The following P3H2 variants were observed in gnomAD, a reference collection of about 807,000 sequenced individuals.
P3H2 encodes the protein prolyl 3-hydroxylase 2.
Under a neutral mutation model 87.0 loss-of-function variants are expected in P3H2, and 80 were observed. The observed-to-expected ratio is 0.92, with a 90% confidence interval of 0.77 to 1.11. The LOEUF is 1.11. P3H2 is among the 50% of genes least tolerant of loss of function. The pLI is 0.00. For synonymous variants in P3H2, 367 were observed against 359.3 expected (o/e 1.02, Z -0.24); for missense variants, 1,001 against 923.9 (o/e 1.08, Z -1.08).
At chr3:189,993,217 G>A (rs893764545) in intron 3 of P3H2, among the ~76,000 whole-genome samples, 9 of 151,872 alleles carry the variant, frequency 5.9e-5, no homozygotes, top group African/African-American at 2.2e-4. Context: ...AGCTACTCGG[G>A]AGGCTGAGAA....
chr3:190,089,230 A>G (rs559092927), intron 1 of P3H2, among the ~76,000 whole-genome samples: 21 of 147,188 alleles, frequency 1.4e-4, no homozygotes, highest in East Asian at 1.9e-4. Flanking sequence ...GGGGCGGGGG[A>G]AGCGGGGAGG....
chr3:189,963,749 A>G (rs139247480), intron 14 of P3H2: 1 of 602,648 alleles, frequency 1.7e-6, no homozygotes, highest in African/African-American at 1.8e-5. Flanking sequence ...CAGCCTTACA[A>G]TTTGTTAATA....
chr3:190,060,535 A>C (rs889010988), intron 1 of P3H2, among the ~76,000 whole-genome samples: 2 of 152,130 alleles, frequency 1.3e-5, no homozygotes, highest in Admixed American at 1.3e-4. Context: ...TTCTAATTCC[A>C]ATTTTATATT....
At chr3:190,062,105 T>C (rs1442618940) in intron 1 of P3H2, among the ~76,000 whole-genome samples, 2 of 152,136 alleles carry the variant, frequency 1.3e-5, no homozygotes, top group Admixed American at 1.3e-4. Flanking sequence ...AACTCTTTCC[T>C]CTAAAATTCT....
intron 1 of P3H2, among the ~76,000 whole-genome samples, chr3:190,091,865 T>G (rs1397040358): frequency 6.6e-6 from 1 of 152,198 alleles, no homozygotes; most frequent in Non-Finnish European, 1.5e-5. Flanking sequence ...TAACCTGATG[T>G]ATTAGAATAG....
At chr3:190,075,526 A>C (rs1473786788) in intron 1 of P3H2, among the ~76,000 whole-genome samples, 1 of 152,028 alleles carries the variant, frequency 6.6e-6, no homozygotes, top group Admixed American at 6.6e-5. Context: ...AAAAGCAAAA[A>C]GAAAAAGTGC....
chr3:189,971,194 G>A (rs1029020957), intron 12 of P3H2, among the ~76,000 whole-genome samples: 5 of 152,082 alleles, frequency 3.3e-5, no homozygotes, highest in African/African-American at 7.2e-5. Flanking sequence ...CCCTTTGAAC[G>A]TGCCCACCCT....
intron 1 of P3H2, among the ~76,000 whole-genome samples, chr3:190,064,011 T>C (rs1726416020): frequency 1.6e-5 from 2 of 128,448 alleles, no homozygotes; most frequent in African/African-American, 6.8e-5. Flanking sequence ...TTTTTTTTTT[T>C]GAGACAGGGT....
intron 1 of P3H2, among the ~76,000 whole-genome samples, chr3:190,084,983 T>C (rs975195884): frequency 6.6e-6 from 1 of 151,938 alleles, no homozygotes; most frequent in Admixed American, 6.6e-5. Flanking sequence ...AAACTAACTA[T>C]AAAGCTTTCA....
At chr3:190,041,015 C>T (rs1725589864) in intron 1 of P3H2, among the ~76,000 whole-genome samples, 1 of 85,980 alleles carries the variant, frequency 1.2e-5, no homozygotes, top group Non-Finnish European at 2.6e-5. Context: ...AAAACCATGG[C>T]TCTACTATAT....
chr3:190,099,072 T>A (rs1711524278), intron 1 of P3H2, among the ~76,000 whole-genome samples: 1 of 152,142 alleles, frequency 6.6e-6, no homozygotes, highest in African/African-American at 2.4e-5. Flanking sequence ...TACTGAAGCT[T>A]AATAGTAGAT....
At chr3:190,021,488 ATT>A (rs1724925966) in intron 1 of P3H2, among the ~76,000 whole-genome samples, 1 of 134,886 alleles carries the variant, frequency 7.4e-6, no homozygotes, top group African/African-American at 2.6e-5. Flanking sequence ...AGCCAAATAT[ATT>A]TTTTCTTTTA....
intron 1 of P3H2, among the ~76,000 whole-genome samples, chr3:190,045,883 A>C (rs1229842985): frequency 6.6e-6 from 1 of 152,120 alleles, no homozygotes; most frequent in Non-Finnish European, 1.5e-5. Flanking sequence ...GCACTTTAGG[A>C]GGCCAAGGTG....
intron 1 of P3H2, among the ~76,000 whole-genome samples, chr3:190,082,336 T>TTGCCTTCTACTTGTGTG (rs1387974432): frequency 3.6e-4 from 55 of 152,290 alleles, no homozygotes; most frequent in African/African-American, 1.3e-3. Context: ...AGTCCTGAGT[T>TTGCCTTCTACTTGTGTG]TGCCTTCTAC....
intron 1 of P3H2, among the ~76,000 whole-genome samples, chr3:190,109,858 T>C (rs1712001879): frequency 6.6e-6 from 1 of 150,946 alleles, no homozygotes; most frequent in South Asian, 2.1e-4. Context: ...TTTTTTTTTT[T>C]TTTTTTTTGA....
chr3:190,004,512 A>T (rs1174958349), intron 1 of P3H2, among the ~76,000 whole-genome samples: 1 of 151,936 alleles, frequency 6.6e-6, no homozygotes. Flanking sequence ...CCTCCCGAGT[A>T]GCTGGGACTA....
Position 189,971,999 on chromosome 3 carries a change from C to A in P3H2, c.1708G>T (p.Asp570Tyr). ...VCRTALSGQQ[D>Y]RRNDLSHPIH... ...GGATGACTGAGGTCATTTCTTCTAT[C>A]CTGCTGACCTGCCAGAAAAGGGAAT... is the stretch of plus-strand genomic sequence containing the variant. Residue 570 changes from aspartate to tyrosine, a missense_variant, in exon 12 of 15, where the codon GAT becomes TAT. Physicochemically the swap from Asp to Tyr is radical, Grantham distance 160. Coordinates refer to ENST00000319332, the MANE Select transcript of P3H2 (RefSeq NM_018192.4). 6.2e-7 allele frequency: 1 copy of A among 1,601,590 alleles called. No homozygotes were observed. Among genetic ancestry groups the A allele is most frequent in the Non-Finnish European group, 8.6e-7 (1 of 1,168,638 alleles).
chr3:190,120,171 A>G (rs1409095281), intron 1 of P3H2, 81 bp downstream of exon 1: 1 of 1,502,752 alleles, frequency 6.7e-7, no homozygotes, highest in Non-Finnish European at 9.0e-7. Flanking sequence ...CTGAACAGAG[A>G]TGACGGGGGC....
chr3:190,011,066 T>C (rs756312541), intron 1 of P3H2, among the ~76,000 whole-genome samples: 4 of 152,112 alleles, frequency 2.6e-5, no homozygotes, highest in Non-Finnish European at 5.9e-5. Context: ...GGTCAAGAGA[T>C]TGAGACGATC....
Sources: allele counts gnomAD v4.1 joint callset (sites outside exome capture counted in the v4.1 genomes callset), GRCh38; gene constraint gnomAD v4.1.1; transcripts MANE v1.5; gene names NCBI Gene and HGNC (gene_info 2026-07-23, HGNC 2026-07-21).